USP48: variants seen among roughly 807,000 people sequenced by gnomAD.
The protein encoded by USP48 is ubiquitin specific peptidase 48, also known as ubiquitin carboxyl-terminal hydrolase 48.
Under a neutral mutation model 150.7 loss-of-function variants are expected in USP48, and 43 were observed. The ratio of observed to expected loss-of-function variants is 0.29; its 90% confidence interval spans 0.22 to 0.37. The LOEUF is 0.37. USP48 is among the 10% of genes least tolerant of loss of function. The pLI, the probability that USP48 is intolerant of heterozygous loss-of-function variation, is 1.00. For missense variants in USP48, 813 were observed against 1,249.6 expected (o/e 0.65, Z 5.27); for synonymous variants, 396 against 425.9 (o/e 0.93, Z 0.86).
Position 21,740,036 on chromosome 1 carries a change from C to T in USP48, c.992-3411G>A, listed in dbSNP as rs537037029. Among the ~76,000 whole-genome samples, 216 of 152,344 alleles carry T rather than the reference C, an allele frequency of 1.4e-3. 1 individual carries two copies. Among genetic ancestry groups the T allele is most frequent in the African/African-American group, 4.9e-3 (205 of 41,570 alleles). Reference sequence around the variant, plus strand: ...AAGTGATTCCCTTGCCTCAGCTTCCCGAGTAGCTGGGATTACTGGCATGCG... The same window carrying T: ...AAGTGATTCCCTTGCCTCAGCTTCCTGAGTAGCTGGGATTACTGGCATGCG... On this transcript the variant is annotated intron_variant, in intron 8 of 26. Coordinates refer to ENST00000308271, the MANE Select transcript of USP48 (RefSeq NM_032236.8).
At chr1:21,706,915 A>G in intron 15 of USP48, 47 bp from the exon 16 acceptor site, 1 of 1,555,096 alleles carries the variant, frequency 6.4e-7, no homozygotes, top group Non-Finnish European at 8.7e-7. Flanking sequence ...CAGCTGAAAA[A>G]AAGTCATTAT....
At chr1:21,698,703 G>A (rs1172676380) in intron 22 of USP48, among the ~76,000 whole-genome samples, 3 of 152,092 alleles carry the variant, frequency 2.0e-5, no homozygotes, top group Non-Finnish European at 1.5e-5. Context: ...CCCCATCCTG[G>A]ATATCACGGT....
chr1:21,758,682 G>A (rs551320807), intron 1 of USP48, among the ~76,000 whole-genome samples: 3 of 152,006 alleles, frequency 2.0e-5, no homozygotes, highest in Non-Finnish European at 4.4e-5. Flanking sequence ...CCCAGGACAC[G>A]GAGGTTGCAG....
chr1:21,695,007 C>A, intron 23 of USP48, 59 bp downstream of exon 23: 1 of 1,519,638 alleles, frequency 6.6e-7, no homozygotes, highest in Non-Finnish European at 8.9e-7. Flanking sequence ...AGGTGGAAAG[C>A]AGGAATTCAT....
At chr1:21,693,691 T>C (rs946104695) in intron 23 of USP48, among the ~76,000 whole-genome samples, 3 of 152,222 alleles carry the variant, frequency 2.0e-5, no homozygotes, top group Non-Finnish European at 4.4e-5. Context: ...TTTAAAGGTT[T>C]TGAATGTTCG....
In USP48 at chr1:21,731,006, G is replaced by A. The variant is rs529184178; in HGVS notation, c.1172-1174C>T. Among the ~76,000 whole-genome samples the A allele has an allele frequency of 4.6e-5, 7 of 152,036 alleles. No homozygotes were observed. In the East Asian group the frequency reaches 1.2e-3, roughly 25 times the overall value. ...GATCTACTGACCTCACAATCTGCCC[G>A]CCTCAGCCTCCCAAAGTGTTGGGAT... On this transcript the variant is annotated intron_variant, in intron 9 of 26. Coordinates refer to ENST00000308271, the MANE Select transcript of USP48 (RefSeq NM_032236.8).
intron 24 of USP48, among the ~76,000 whole-genome samples, chr1:21,688,378 T>C (rs1310446545): frequency 6.6e-6 from 1 of 151,766 alleles, no homozygotes; most frequent in Non-Finnish European, 1.5e-5. Flanking sequence ...ACCACCACGC[T>C]TGGCCAATTT....
chr1:21,679,208 A>T lies in USP48; in HGVS notation c.*209T>A. ...CCACCCCCCTTAAATATAAAATTGG[A>T]AACATTTCCTTCAAGTCTGATGTCC... On this transcript the variant is annotated 3_prime_UTR_variant, in exon 27 of 27. Coordinates refer to ENST00000308271, the MANE Select transcript of USP48 (RefSeq NM_032236.8). 5 of 340,990 alleles carry T rather than the reference A, an allele frequency of 1.5e-5. No individual in the cohort carries two copies. The highest frequency in any genetic ancestry group is 2.8e-5 in the Non-Finnish European group (5 of 177,756). 21.1% of individuals were successfully genotyped at this position (340,990 alleles called of 1,614,324 possible).
intron 1 of USP48, among the ~76,000 whole-genome samples, chr1:21,762,931 A>AAC (rs893730955): frequency 2.0e-5 from 3 of 152,092 alleles, no homozygotes; most frequent in African/African-American, 7.2e-5. Context: ...CCATGTGTCA[A>AAC]ACACAGACAT....
intron 22 of USP48, among the ~76,000 whole-genome samples, chr1:21,697,015 T>C (rs563077932): frequency 3.9e-5 from 6 of 152,136 alleles, no homozygotes; most frequent in Non-Finnish European, 4.4e-5. Flanking sequence ...TAAATCTGGA[T>C]GAGGTAACCT....
Position 21,783,059 on chromosome 1 carries a change from C to A in USP48, c.-102G>T. On this transcript the variant is annotated 5_prime_UTR_variant, in exon 1 of 27. Coordinates refer to ENST00000308271, the MANE Select transcript of USP48 (RefSeq NM_032236.8). Reference sequence around the variant, plus strand: ...CTTCGCCACCTGCCAGCAAGGAGGACCTGGCGCTCCTTCAGGCAGCTGGCC... The same window carrying A: ...CTTCGCCACCTGCCAGCAAGGAGGAACTGGCGCTCCTTCAGGCAGCTGGCC... 2 of 1,386,148 alleles carry A rather than the reference C, an allele frequency of 1.4e-6. No individual in the cohort carries two copies. The highest frequency in any genetic ancestry group is 3.1e-5 in the African/African-American group (2 of 65,480). The allele number at this position is 1,386,148 out of a possible 1,614,324, so 85.9% of individuals were successfully genotyped here.
intron 15 of USP48, among the ~76,000 whole-genome samples, chr1:21,708,038 T>C (rs1441098959): frequency 6.6e-6 from 1 of 151,938 alleles, no homozygotes; most frequent in Non-Finnish European, 1.5e-5. Flanking sequence ...GGTGCTTGCC[T>C]GTAGTCCCAG....
chr1:21,736,763 G>GT, intron 8 of USP48, 138 bp from the exon 9 acceptor site: 2 of 648,130 alleles, frequency 3.1e-6, no homozygotes, highest in Non-Finnish European at 4.7e-6. Context: ...TTACAAATTA[G>GT]TTTTACAAAA....
At chr1:21,738,278 G>A (rs1043006696) in intron 8 of USP48, among the ~76,000 whole-genome samples, 4 of 150,860 alleles carry the variant, frequency 2.7e-5, no homozygotes, top group African/African-American at 4.9e-5. Flanking sequence ...GGCTAGTCTC[G>A]AACTCCTGAC....
At chr1:21,744,858 G>C (rs1391142545) in intron 8 of USP48, among the ~76,000 whole-genome samples, 1 of 151,492 alleles carries the variant, frequency 6.6e-6, no homozygotes, top group Non-Finnish European at 1.5e-5. Context: ...GAGAGTCAGG[G>C]GCTAATGTTC....
At chr1:21,714,484 A>G (rs1031903133) in intron 15 of USP48, among the ~76,000 whole-genome samples, 1 of 152,112 alleles carries the variant, frequency 6.6e-6, no homozygotes, top group African/African-American at 2.4e-5. Context: ...ACTGGTCTCA[A>G]AATCATGGGC....
At chr1:21,752,948 G>T (rs767403868) in intron 4 of USP48, 44 bp downstream of exon 4, 4 of 1,537,200 alleles carry the variant, frequency 2.6e-6, no homozygotes, top group South Asian at 1.3e-5. Context: ...AGGATGTTTG[G>T]GTACCTCTGA....
At chr1:21,758,467 A>G (rs182425937) in intron 1 of USP48, among the ~76,000 whole-genome samples, 37 of 152,318 alleles carry the variant, frequency 2.4e-4, no homozygotes, top group African/African-American at 8.9e-4. Flanking sequence ...AGGTTAAAAG[A>G]AAATACACCT....
chr1:21,760,035 T>G (rs544043616), intron 1 of USP48, among the ~76,000 whole-genome samples: 1 of 152,200 alleles, frequency 6.6e-6, no homozygotes, highest in African/African-American at 2.4e-5. Context: ...TGAATCTAAT[T>G]GACACCACAC....
Sources: gnomAD v4.1 joint callset for allele counts (sites outside exome capture counted in the v4.1 genomes callset) on GRCh38, gnomAD v4.1.1 for gene constraint, MANE v1.5 for transcripts, NCBI Gene and HGNC (gene_info 2026-07-23, HGNC 2026-07-21) for gene names.